DLGAP1: variants seen among roughly 807,000 people sequenced by gnomAD.
DLGAP1 encodes DLG associated protein 1.
A neutral mutation model predicts 90.8 loss-of-function variants in DLGAP1; 11 were observed. The observed-to-expected ratio is 0.12, with a 90% CI of 0.08 to 0.20. DLGAP1 has a LOEUF of 0.20. Ranked by LOEUF, DLGAP1 falls within the 10% of genes least tolerant of loss-of-function variation. The pLI is 1.00. For missense variants in DLGAP1, 1,050 were observed against 1,333.8 expected (o/e 0.79, Z 3.31); for synonymous variants, 558 against 540.7 (o/e 1.03, Z -0.44).
chr18:3,592,473 AT>A (rs2056304093), intron 7 of DLGAP1, among the ~76,000 whole-genome samples: 1 of 152,360 alleles, frequency 6.6e-6, no homozygotes, highest in Admixed American at 6.5e-5. Flanking sequence ...GACCCGTGAC[AT>A]GCCATTAGAT....
At chr18:3,652,061 G>T (rs1048814721) in intron 7 of DLGAP1, among the ~76,000 whole-genome samples, 6 of 151,804 alleles carry the variant, frequency 4.0e-5, no homozygotes, top group African/African-American at 1.5e-4. Context: ...CTACTCAGGG[G>T]GCTGAGGCAC....
intron 1 of DLGAP1, among the ~76,000 whole-genome samples, chr18:4,258,012 C>A (rs56899836): frequency 1.8e-5 from 1 of 54,914 alleles, no homozygotes; most frequent in Non-Finnish European, 4.5e-5. Context: ...TGTGTGTGTG[C>A]GCGCGCGCGC....
intron 7 of DLGAP1, among the ~76,000 whole-genome samples, chr18:3,662,261 C>T (rs1199126922): frequency 6.6e-6 from 1 of 152,092 alleles, no homozygotes; most frequent in Non-Finnish European, 1.5e-5. Context: ...TGTTTTAACA[C>T]TCCTAGGGGG....
In DLGAP1 at chr18:3,531,692, AG is replaced by A. The variant is rs370666419; in HGVS notation, c.2479+2501del. 1.1e-3 allele frequency among the ~76,000 whole-genome samples: 174 copies of A among 152,120 alleles called. 1 individual carries two copies. The highest frequency in any genetic ancestry group is 4.1e-3 in the African/African-American group (170 of 41,532). On this transcript the variant is annotated intron_variant, in intron 10 of 12. Transcript: ENST00000315677. ...GAGATGGGGTTTTACCATGTTGGCC[AG>A]GCTGGTCTAGAACTCCTGACCTCAA...
At chr18:4,076,633 A>AT (rs1160772031) in intron 2 of DLGAP1, among the ~76,000 whole-genome samples, 4 of 151,776 alleles carry the variant, frequency 2.6e-5, no homozygotes, top group African/African-American at 4.8e-5. Flanking sequence ...TATTATTATT[A>AT]TTTTTCTTGA....
At chr18:3,699,405 G>A (rs342496) in intron 7 of DLGAP1, among the ~76,000 whole-genome samples, 328 of 152,300 alleles carry the variant, frequency 2.2e-3, no homozygotes, top group African/African-American at 7.5e-3. Context: ...GCCCTCTGCT[G>A]TAGGTCTGCT....
At chr18:3,579,360 G>A (rs565176206) in intron 8 of DLGAP1, among the ~76,000 whole-genome samples, 6 of 152,264 alleles carry the variant, frequency 3.9e-5, no homozygotes, top group African/African-American at 7.2e-5. Context: ...ACAGGCATGC[G>A]CCACCACCCC....
At chr18:3,865,415 C>G (rs2070322770) in intron 4 of DLGAP1, among the ~76,000 whole-genome samples, 1 of 152,110 alleles carries the variant, frequency 6.6e-6, no homozygotes, top group Non-Finnish European at 1.5e-5. Context: ...GAAATAATGT[C>G]CTATTACAAC....
chr18:4,065,741 A>C (rs1388478258), intron 2 of DLGAP1, among the ~76,000 whole-genome samples: 1 of 152,110 alleles, frequency 6.6e-6, no homozygotes, highest in Non-Finnish European at 1.5e-5. Flanking sequence ...AAATGGTCAT[A>C]CTCTCCAAAG....
At chr18:4,213,062 T>C (rs1256893019) in intron 1 of DLGAP1, among the ~76,000 whole-genome samples, 2 of 152,184 alleles carry the variant, frequency 1.3e-5, no homozygotes, top group South Asian at 2.1e-4. Flanking sequence ...TGCTTATTAA[T>C]TGAGCAAACA....
chr18:4,212,961 A>C (rs987421827), intron 1 of DLGAP1, among the ~76,000 whole-genome samples: 5 of 152,192 alleles, frequency 3.3e-5, no homozygotes, highest in Admixed American at 6.5e-5. Flanking sequence ...TACAGATAAT[A>C]AAGTGGCAAA....
At chr18:3,936,643 A>G (rs1336553469) in intron 3 of DLGAP1, among the ~76,000 whole-genome samples, 1 of 152,196 alleles carries the variant, frequency 6.6e-6, no homozygotes, top group Non-Finnish European at 1.5e-5. Context: ...TTGATTCATC[A>G]CCTTTGCATA....
intron 1 of DLGAP1, among the ~76,000 whole-genome samples, chr18:4,277,445 T>C (rs1204252762): frequency 6.6e-6 from 1 of 152,216 alleles, no homozygotes; most frequent in Admixed American, 6.5e-5. Flanking sequence ...ACCCAAGGCT[T>C]GTTAGCATTC....
chr18:3,525,185 C>T (rs1448341287), intron 10 of DLGAP1, among the ~76,000 whole-genome samples: 1 of 151,816 alleles, frequency 6.6e-6, no homozygotes, highest in Non-Finnish European at 1.5e-5. Flanking sequence ...GTTCCAACCC[C>T]TCCAGGAGCC....
chr18:3,884,075 G>C (rs915474265), intron 3 of DLGAP1, among the ~76,000 whole-genome samples: 6 of 152,182 alleles, frequency 3.9e-5, no homozygotes, highest in Admixed American at 3.9e-4. Flanking sequence ...CGTGTCCACT[G>C]GTGACAGACT....
At chr18:4,352,121 A>G (rs2081415818) in intron 1 of DLGAP1, among the ~76,000 whole-genome samples, 1 of 152,210 alleles carries the variant, frequency 6.6e-6, no homozygotes, top group Admixed American at 6.5e-5. Flanking sequence ...GCATTTGCCA[A>G]CTTTACCAAA....
intron 5 of DLGAP1, among the ~76,000 whole-genome samples, chr18:3,792,470 C>CAAAA (rs11383635): frequency 6.8e-6 from 1 of 146,360 alleles, no homozygotes; most frequent in African/African-American, 2.5e-5. Context: ...GACTCCATCT[C>CAAAA]AAAAAAAAAA....
chr18:4,379,179 CAG>C (rs2082071133), intron 1 of DLGAP1, among the ~76,000 whole-genome samples: 1 of 152,054 alleles, frequency 6.6e-6, no homozygotes, highest in African/African-American at 2.4e-5. Flanking sequence ...AATTATTTAG[CAG>C]AGAGAGTCAG....
At chr18:4,360,074 G>C (rs2081599680) in intron 1 of DLGAP1, among the ~76,000 whole-genome samples, 2 of 152,190 alleles carry the variant, frequency 1.3e-5, no homozygotes, top group Admixed American at 6.5e-5. Flanking sequence ...GAGCTTAGTA[G>C]AGAGGTCTGG....
Sources: allele counts gnomAD v4.1 joint callset (sites outside exome capture counted in the v4.1 genomes callset), GRCh38; gene constraint gnomAD v4.1.1; transcripts MANE v1.5; gene names NCBI Gene and HGNC (gene_info 2026-07-23, HGNC 2026-07-21).